MAN2A1: variants seen among roughly 807,000 people sequenced by gnomAD.
The protein encoded by MAN2A1 is mannosidase alpha class 2A member 1.
In MAN2A1, 76 loss-of-function variants were observed where a neutral mutation model predicts 142.6. The observed-to-expected ratio is 0.53, with a 90% CI of 0.44 to 0.65. The LOEUF is 0.65. MAN2A1 is among the 30% of genes least tolerant of loss of function. The pLI is 0.00. For missense variants in MAN2A1, 1,311 were observed against 1,365.1 expected (o/e 0.96, Z 0.62); for synonymous variants, 559 against 473.2 (o/e 1.18, Z -2.35).
rs775149380 is a variant in MAN2A1, at chr5:109,855,257, C to T, written c.3094C>T (p.Gln1032Ter). ...GTTCTCCTCACCTACCCTTGAGCTG[C>T]AAGGTGAATTCTCTCCATTACAGTC... The part of the protein sequence containing the change: ...NKFSSPTLEL[Q>*]GEFSPLQSSL... Residue 1032 changes from glutamine to a stop codon, truncating the protein, a stop_gained, in exon 20 of 22, where the codon CAA becomes TAA. Transcript: ENST00000261483. LOFTEE classifies it high-confidence loss of function. 1 of 1,607,586 alleles carries T rather than the reference C, an allele frequency of 6.2e-7. No homozygotes were observed. Among genetic ancestry groups the T allele is most frequent in the South Asian group, 1.1e-5 (1 of 89,808 alleles).
intron 20 of MAN2A1, chr5:109,863,304 T>C (rs1265132309): frequency 6.6e-6 from 1 of 152,210 alleles, no homozygotes; most frequent in South Asian, 2.1e-4. Context: ...TAAAGGAAAT[T>C]TATGCTAAGG....
chr5:109,821,478 G>A (rs1754621172), intron 15 of MAN2A1, among the ~76,000 whole-genome samples: 1 of 152,088 alleles, frequency 6.6e-6, no homozygotes, highest in African/African-American at 2.4e-5. Context: ...AGTCTTTTAA[G>A]GACTTTTGCT....
intron 12 of MAN2A1, among the ~76,000 whole-genome samples, chr5:109,814,439 T>C (rs1754399616): frequency 1.3e-5 from 2 of 152,204 alleles, no homozygotes; most frequent in Admixed American, 1.3e-4. Flanking sequence ...ATCCTTTCTC[T>C]GTACTCTACT....
At chr5:109,692,380 T>C (rs1469970788) in intron 1 of MAN2A1, among the ~76,000 whole-genome samples, 3 of 152,182 alleles carry the variant, frequency 2.0e-5, no homozygotes. Context: ...TTTTCTGTAC[T>C]GGATTTTCAC....
At chr5:109,710,696 A>T (rs779129789) in intron 1 of MAN2A1, among the ~76,000 whole-genome samples, 2 of 144,884 alleles carry the variant, frequency 1.4e-5, no homozygotes, top group Non-Finnish European at 3.0e-5. Flanking sequence ...TTATTTACCT[A>T]TTTTTTTTTT....
At chr5:109,842,186 G>A (rs1194075218) in intron 16 of MAN2A1, 142 bp from the exon 17 acceptor site, 1 of 510,180 alleles carries the variant, frequency 2.0e-6, no homozygotes, top group African/African-American at 2.0e-5. Context: ...AATTGTCATA[G>A]CATTTATTAT....
chr5:109,807,721 A>C (rs551117731), intron 12 of MAN2A1, among the ~76,000 whole-genome samples: 1 of 152,156 alleles, frequency 6.6e-6, no homozygotes, highest in Non-Finnish European at 1.5e-5. Flanking sequence ...CACATCTGCA[A>C]AGTCTTTTCT....
chr5:109,777,085 T>A (rs528620426), intron 8 of MAN2A1, among the ~76,000 whole-genome samples: 4 of 152,286 alleles, frequency 2.6e-5, no homozygotes, highest in South Asian at 2.1e-4. Flanking sequence ...TGGTTACTTG[T>A]TATGAGTTTA....
At chr5:109,780,599 A>G (rs528761483) in intron 8 of MAN2A1, among the ~76,000 whole-genome samples, 20 of 152,056 alleles carry the variant, frequency 1.3e-4, no homozygotes, top group African/African-American at 3.9e-4. Context: ...AAAGGAACAC[A>G]TTCCCTGTTA....
chr5:109,857,371 A>C (rs868712884), intron 20 of MAN2A1, among the ~76,000 whole-genome samples: 1 of 152,214 alleles, frequency 6.6e-6, no homozygotes, highest in Non-Finnish European at 1.5e-5. Flanking sequence ...TCATAAATTC[A>C]TGAGCTAAAA....
chr5:109,849,167 C>T (rs929036062), intron 19 of MAN2A1, among the ~76,000 whole-genome samples: 2 of 152,176 alleles, frequency 1.3e-5, no homozygotes, highest in Non-Finnish European at 2.9e-5. Flanking sequence ...AATCTTAGAG[C>T]TCTCAAAGCA....
intron 1 of MAN2A1, among the ~76,000 whole-genome samples, chr5:109,712,305 A>G (rs1751323650): frequency 6.6e-6 from 1 of 152,112 alleles, no homozygotes; most frequent in Non-Finnish European, 1.5e-5. Flanking sequence ...CCTAAAGCAT[A>G]TCATGTCATA....
intron 16 of MAN2A1, among the ~76,000 whole-genome samples, chr5:109,838,084 G>A (rs977811438): frequency 3.3e-5 from 5 of 151,750 alleles, no homozygotes; most frequent in African/African-American, 4.9e-5. Flanking sequence ...TCCTAGCTCC[G>A]GGTGTGAGAC....
chr5:109,844,417 C>G (rs184024078), intron 17 of MAN2A1, among the ~76,000 whole-genome samples: 51 of 151,498 alleles, frequency 3.4e-4, no homozygotes, highest in African/African-American at 1.2e-3. Flanking sequence ...AATAAGTTTA[C>G]ATTTACAAGT....
chr5:109,737,150 C>G lies in MAN2A1; in HGVS notation c.707+7637C>G, dbSNP rs369499440. The stretch of plus-strand genomic sequence containing the variant: ...GCTCTGTCACCCAGGCTGAAGTGCA[C>G]TGGTGTGGTCTCAGCTCACTGCAAC... On this transcript the variant is annotated intron_variant, in intron 4 of 21. Transcript: ENST00000261483. Among the ~76,000 whole-genome samples the G allele has an allele frequency of 2.3e-4, 31 of 137,056 alleles. No individual in the cohort carries two copies. In the East Asian group the frequency reaches 5.5e-3, roughly 24 times the overall value. 89.9% of individuals were successfully genotyped at this position (137,056 alleles called of 152,430 possible). A position where few individuals can be genotyped will look rare whatever the true frequency, so the allele number is the denominator to read the frequency against.
chr5:109,814,414 T>A (rs959477309), intron 12 of MAN2A1, among the ~76,000 whole-genome samples: 2 of 152,162 alleles, frequency 1.3e-5, no homozygotes, highest in African/African-American at 4.8e-5. Flanking sequence ...CCAAAGGAAA[T>A]ATCTATATAT....
intron 8 of MAN2A1, among the ~76,000 whole-genome samples, chr5:109,777,026 G>A (rs1753312093): frequency 1.3e-5 from 2 of 152,102 alleles, no homozygotes; most frequent in African/African-American, 4.8e-5. Context: ...ATTGTTCCCA[G>A]TTTTTGTCTA....
intron 3 of MAN2A1, among the ~76,000 whole-genome samples, chr5:109,719,568 T>A (rs1411172931): frequency 6.6e-6 from 1 of 152,192 alleles, no homozygotes; most frequent in Non-Finnish European, 1.5e-5. Flanking sequence ...GTGTTCTTTC[T>A]AAATGAGATT....
At chr5:109,821,410 A>G (rs78161589) in intron 15 of MAN2A1, among the ~76,000 whole-genome samples, 2,083 of 152,272 alleles carry the variant, frequency 0.014, 26 homozygotes, top group Non-Finnish European at 0.021. Context: ...CTACAATGCA[A>G]TTCTGATTAA....
Sources: gnomAD v4.1 joint callset for allele counts (sites outside exome capture counted in the v4.1 genomes callset) on GRCh38, gnomAD v4.1.1 for gene constraint, MANE v1.5 for transcripts, NCBI Gene and HGNC (gene_info 2026-07-23, HGNC 2026-07-21) for gene names.